The following CDH13 variants were observed in gnomAD, a reference collection of about 807,000 sequenced individuals.
CDH13 encodes the protein cadherin-13.
In CDH13, 24 loss-of-function variants were observed where a neutral mutation model predicts 63.8. That is an observed-to-expected ratio of 0.38 (90% CI 0.27 to 0.53). The LOEUF (loss-of-function observed/expected upper bound fraction) is 0.53. Ranked by LOEUF, CDH13 falls within the 20% of genes least tolerant of loss-of-function variation. CDH13 has a pLI of 0.85. For synonymous variants in CDH13, 503 were observed against 355.3 expected (o/e 1.42, Z -4.67); for missense variants, 1,049 against 903.1 (o/e 1.16, Z -2.07).
At chr16:83,005,641 T>C (rs1913411478) in intron 2 of CDH13, among the ~76,000 whole-genome samples, 2 of 152,228 alleles carry the variant, frequency 1.3e-5, no homozygotes, top group Non-Finnish European at 2.9e-5. Context: ...TTATAGCTTG[T>C]TTCAGAAACA....
chr16:82,953,310 C>T (rs1173505608), intron 2 of CDH13: 2 of 152,110 alleles, frequency 1.3e-5, no homozygotes, highest in African/African-American at 4.8e-5. Context: ...TTTATTGCTC[C>T]AATTTTTATA....
intron 2 of CDH13, among the ~76,000 whole-genome samples, chr16:82,928,933 G>A (rs1012847220): frequency 9.9e-5 from 15 of 152,158 alleles, no homozygotes; most frequent in African/African-American, 2.2e-4. Flanking sequence ...GGGAAGAGAT[G>A]TTTCAGTCTC....
intron 6 of CDH13, among the ~76,000 whole-genome samples, chr16:83,400,093 G>C (rs1017145388): frequency 6.6e-6 from 1 of 151,796 alleles, no homozygotes; most frequent in Non-Finnish European, 1.5e-5. Context: ...AAGGGAAGGA[G>C]CATGCTGAGG....
intron 2 of CDH13, chr16:82,884,291 G>C: frequency 2.2e-6 from 1 of 444,792 alleles, no homozygotes; most frequent in South Asian, 1.6e-5. Context: ...TCAGTCAGCA[G>C]AGGCATGCTA....
At chr16:83,318,475 C>T (rs184459836) in intron 5 of CDH13, among the ~76,000 whole-genome samples, 16 of 152,158 alleles carry the variant, frequency 1.1e-4, no homozygotes, top group Non-Finnish European at 2.4e-4. Context: ...CAATCATAAT[C>T]TTCTAAGGTT....
intron 1 of CDH13, among the ~76,000 whole-genome samples, chr16:82,794,717 C>T (rs2036497301): frequency 6.6e-6 from 1 of 152,156 alleles, no homozygotes; most frequent in Non-Finnish European, 1.5e-5. Context: ...ACCCCTTCAG[C>T]CTTAATATTT....
At chr16:83,050,317 G>A (rs922530362) in intron 3 of CDH13, among the ~76,000 whole-genome samples, 1 of 152,118 alleles carries the variant, frequency 6.6e-6, no homozygotes, top group African/African-American at 2.4e-5. Context: ...CCTAGGAGTG[G>A]AATTGCTGGC....
At chr16:82,864,728 C>G (rs34164761) in intron 2 of CDH13, among the ~76,000 whole-genome samples, 1 of 152,082 alleles carries the variant, frequency 6.6e-6, no homozygotes, top group Non-Finnish European at 1.5e-5. Flanking sequence ...GCCCCTGGTT[C>G]CTCCCAAATC....
At chr16:83,631,058 G>T (rs1910737363) in intron 8 of CDH13, among the ~76,000 whole-genome samples, 4 of 152,160 alleles carry the variant, frequency 2.6e-5, no homozygotes, top group Admixed American at 2.6e-4. Context: ...CAGAACAGCT[G>T]GGCTAAAAGA....
At chr16:83,709,828 T>C (rs185107477) in intron 10 of CDH13, among the ~76,000 whole-genome samples, 30 of 152,372 alleles carry the variant, frequency 2.0e-4, no homozygotes, top group Non-Finnish European at 4.0e-4. Context: ...GGAAAATCTA[T>C]TTGATGTGTA....
At chr16:82,745,533 G>A (rs937546848) in intron 1 of CDH13, among the ~76,000 whole-genome samples, 1 of 152,160 alleles carries the variant, frequency 6.6e-6, no homozygotes, top group South Asian at 2.1e-4. Context: ...GAACACGGGA[G>A]GTGGAGGTTG....
chr16:83,454,047 GGT>G (rs2072957033), intron 6 of CDH13, among the ~76,000 whole-genome samples: 1 of 152,150 alleles, frequency 6.6e-6, no homozygotes, highest in South Asian at 2.1e-4. Context: ...AAGGGGCATG[GGT>G]GTTTCACTGT....
chr16:83,270,025 C>T (rs978283613), intron 5 of CDH13, among the ~76,000 whole-genome samples: 4 of 152,292 alleles, frequency 2.6e-5, no homozygotes, highest in East Asian at 1.9e-4. Flanking sequence ...TCTTCTGCAA[C>T]ATTTTCATTA....
chr16:83,316,354 T>A (rs115745282), intron 5 of CDH13, among the ~76,000 whole-genome samples: 314 of 152,126 alleles, frequency 2.1e-3, no homozygotes, highest in African/African-American at 7.4e-3. Context: ...ACTGGCCTAG[T>A]GGAGGGGGAA....
rs535327742 is a variant in CDH13, at chr16:83,462,652, A to C, written c.782-23825A>C. Among the ~76,000 whole-genome samples, 15 of 152,320 alleles carry C rather than the reference A, an allele frequency of 9.8e-5. No homozygotes were observed. In the South Asian group the frequency reaches 1.5e-3, roughly 15 times the overall value. On this transcript the variant is annotated intron_variant, in intron 6 of 13. Coordinates refer to ENST00000567109, the MANE Select transcript of CDH13 (RefSeq NM_001257.5). ...CCATGCCTGCAACTTGCTACTCAGG[A>C]GGCTGAGGCAGCAGAATCACTTGAA...
chr16:82,831,738 GAAGT>G (rs1333278722), intron 1 of CDH13, among the ~76,000 whole-genome samples: 1 of 152,222 alleles, frequency 6.6e-6, no homozygotes, highest in Non-Finnish European at 1.5e-5. Flanking sequence ...CCAGGATTGT[GAAGT>G]CAATCTTCCT....
At chr16:83,248,329 C>G (rs896712759) in intron 5 of CDH13, among the ~76,000 whole-genome samples, 5 of 152,128 alleles carry the variant, frequency 3.3e-5, no homozygotes, top group Non-Finnish European at 5.9e-5. Flanking sequence ...TAGCTATGTC[C>G]TTCAGGAGCG....
chr16:83,275,883 A>G (rs1453455306), intron 5 of CDH13, among the ~76,000 whole-genome samples: 1 of 152,210 alleles, frequency 6.6e-6, no homozygotes, highest in East Asian at 1.9e-4. Context: ...AACTGCCCTG[A>G]AGAGCTTACA....
At chr16:82,815,533 G>C (rs112486381) in intron 1 of CDH13, among the ~76,000 whole-genome samples, 2 of 152,294 alleles carry the variant, frequency 1.3e-5, no homozygotes, top group African/African-American at 2.4e-5. Context: ...TTATTTCCAT[G>C]TTCAGAAACA....
Sources: allele counts gnomAD v4.1 joint callset (sites outside exome capture counted in the v4.1 genomes callset), GRCh38; gene constraint gnomAD v4.1.1; transcripts MANE v1.5; gene names NCBI Gene and HGNC (gene_info 2026-07-23, HGNC 2026-07-21).